The following DCC variants were observed in gnomAD, a reference collection of about 807,000 sequenced individuals.
DCC encodes DCC netrin 1 receptor.
DCC carries 58 observed loss-of-function variants against 172.5 expected under a neutral mutation model. The ratio of observed to expected loss-of-function variants is 0.34; its 90% CI spans 0.27 to 0.42. The LOEUF is 0.42. DCC is among the 10% of genes least tolerant of loss of function. The probability of loss-of-function intolerance (pLI) is 1.00; values close to 1 mark genes in which losing one functional copy is unlikely to be tolerated. For synonymous variants in DCC, 709 were observed against 644.5 expected, an observed-to-expected ratio of 1.10 and a Z score of -1.52; for missense variants, 1,740 against 1,791.0, an observed-to-expected ratio of 0.97 and a Z score of 0.51.
At chr18:52,843,655 T>C (rs1377262771) in intron 2 of DCC, among the ~76,000 whole-genome samples, 1 of 152,200 alleles carries the variant, frequency 6.6e-6, no homozygotes, top group Admixed American at 6.5e-5. Context: ...AAATCTCACA[T>C]CATTATTTTT....
chr18:53,484,936 A>G (rs1481390379), intron 25 of DCC, among the ~76,000 whole-genome samples: 2 of 152,102 alleles, frequency 1.3e-5, no homozygotes, highest in Non-Finnish European at 2.9e-5. Flanking sequence ...TAATACATAT[A>G]TAAGCTCAAA....
intron 5 of DCC, among the ~76,000 whole-genome samples, chr18:53,044,993 T>C (rs190863375): frequency 1.9e-4 from 29 of 151,936 alleles, no homozygotes; most frequent in African/African-American, 6.7e-4. Flanking sequence ...TGAACAGATA[T>C]AAAATGTATA....
At chr18:53,022,296 A>T (rs1019908022) in intron 5 of DCC, among the ~76,000 whole-genome samples, 15 of 151,884 alleles carry the variant, frequency 9.9e-5, no homozygotes, top group African/African-American at 3.6e-4. Context: ...TCTGGGCTTG[A>T]TCCCACATCT....
At position 52,963,701 on chromosome 18, in the gene DCC, C is replaced by T. The variant is rs2040882911; in HGVS notation, c.985+38331C>T. ...TTAACCGTTTGGCCCAGGGTGAACA[C>T]TTGGTGCAAAGAGAATTCTAACACT... On this transcript the variant is annotated intron_variant, in intron 5 of 28. Coordinates refer to ENST00000442544, the MANE Select transcript of DCC (RefSeq NM_005215.4). Among the ~76,000 whole-genome samples, 4 of 152,104 alleles carry T rather than the reference C, an allele frequency of 2.6e-5. No individual in the cohort carries two copies. The South Asian group carries it at 8.3e-4, about 32-fold the overall frequency.
intron 1 of DCC, among the ~76,000 whole-genome samples, chr18:52,685,089 A>C (rs1037103714): frequency 6.6e-6 from 1 of 152,138 alleles, no homozygotes; most frequent in Non-Finnish European, 1.5e-5. Context: ...TCAATTAAGG[A>C]ATAATATTGT....
intron 8 of DCC, among the ~76,000 whole-genome samples, chr18:53,164,741 A>C (rs1255666951): frequency 2.6e-5 from 4 of 152,226 alleles, no homozygotes; most frequent in Non-Finnish European, 5.9e-5. Flanking sequence ...GCCATGTGCA[A>C]ATCATCATGT....
At chr18:52,736,554 G>A (rs375767073) in intron 1 of DCC, among the ~76,000 whole-genome samples, 1 of 152,096 alleles carries the variant, frequency 6.6e-6, no homozygotes, top group Non-Finnish European at 1.5e-5. Flanking sequence ...GAGAAAAAAA[G>A]TTGAAAGGGA....
At chr18:52,957,873 A>G (rs2040771850) in intron 5 of DCC, among the ~76,000 whole-genome samples, 1 of 152,202 alleles carries the variant, frequency 6.6e-6, no homozygotes, top group South Asian at 2.1e-4. Context: ...AAGAACACCA[A>G]GATGTCATGG....
At chr18:53,124,458 T>G (rs1399420603) in intron 7 of DCC, among the ~76,000 whole-genome samples, 2 of 152,104 alleles carry the variant, frequency 1.3e-5, no homozygotes, top group Non-Finnish European at 2.9e-5. Flanking sequence ...TCCACAACAT[T>G]GTTTACTATG....
chr18:52,548,634 G>C (rs556219889), intron 1 of DCC, among the ~76,000 whole-genome samples: 6 of 152,232 alleles, frequency 3.9e-5, no homozygotes, highest in African/African-American at 1.4e-4. Context: ...TTCGAAAACT[G>C]GGTTAGTGTA....
chr18:52,896,840 G>C (rs532642502), intron 2 of DCC, among the ~76,000 whole-genome samples: 1 of 150,370 alleles, frequency 6.7e-6, no homozygotes, highest in African/African-American at 2.4e-5. Context: ...ACCTCCAGGG[G>C]AAAGCTGGGT....
At chr18:52,990,247 A>G (rs2041362904) in intron 5 of DCC, among the ~76,000 whole-genome samples, 1 of 152,174 alleles carries the variant, frequency 6.6e-6, no homozygotes, top group Non-Finnish European at 1.5e-5. Context: ...ACATTTAAAA[A>G]ATAAGCAAAG....
At chr18:53,069,309 C>T (rs2042620545) in intron 7 of DCC, among the ~76,000 whole-genome samples, 1 of 152,156 alleles carries the variant, frequency 6.6e-6, no homozygotes, top group South Asian at 2.1e-4. Context: ...GAGCTGTCCA[C>T]AATGCAGGGA....
chr18:52,838,588 T>TATA (rs2038753529), intron 2 of DCC, among the ~76,000 whole-genome samples: 1 of 151,516 alleles, frequency 6.6e-6, no homozygotes, highest in Non-Finnish European at 1.5e-5. Context: ...AATCATCAAG[T>TATA]AATAATAAGT....
At chr18:53,064,284 TTATAGG>T (rs998811620) in intron 6 of DCC, among the ~76,000 whole-genome samples, 1 of 152,160 alleles carries the variant, frequency 6.6e-6, no homozygotes, top group Non-Finnish European at 1.5e-5. Flanking sequence ...GAAATCTCAC[TTATAGG>T]TATAGGTTAG....
chr18:53,223,994 G>A (rs548100791), intron 12 of DCC, among the ~76,000 whole-genome samples: 1 of 152,212 alleles, frequency 6.6e-6, no homozygotes, highest in African/African-American at 2.4e-5. Context: ...AACTAATTCT[G>A]AAATACCAAT....
chr18:52,851,009 A>G (rs117412448), intron 2 of DCC, among the ~76,000 whole-genome samples: 17,620 of 151,710 alleles, frequency 0.12, 1,399 homozygotes, highest in Middle Eastern at 0.16. Context: ...ATTAATGAAC[A>G]ATTAAACGGT....
At chr18:52,916,518 A>G (rs2040043747) in intron 3 of DCC, among the ~76,000 whole-genome samples, 1 of 152,188 alleles carries the variant, frequency 6.6e-6, no homozygotes, top group Admixed American at 6.6e-5. Context: ...CAACATTTGG[A>G]AGATGTGTCT....
chr18:52,933,240 C>T (rs1402681262), intron 5 of DCC, among the ~76,000 whole-genome samples: 2 of 151,994 alleles, frequency 1.3e-5, no homozygotes, highest in African/African-American at 4.8e-5. Context: ...CTAAGCATTC[C>T]GCCAAGTAGT....
Sources: allele counts gnomAD v4.1 joint callset (sites outside exome capture counted in the v4.1 genomes callset), GRCh38; gene constraint gnomAD v4.1.1; transcripts MANE v1.5; gene names NCBI Gene and HGNC (gene_info 2026-07-23, HGNC 2026-07-21).